MACROD2: variants seen among roughly 807,000 people sequenced by gnomAD.
MACROD2 encodes ADP-ribose glycohydrolase MACROD2.
MACROD2 carries 36 observed loss-of-function variants against 70.4 expected under a neutral mutation model. That is an observed-to-expected ratio of 0.51 (90% CI 0.39 to 0.68). The LOEUF (loss-of-function observed/expected upper bound fraction) is 0.68. Ranked by LOEUF, MACROD2 falls within the 30% of genes least tolerant of loss-of-function variation. The pLI is 0.00. For synonymous variants in MACROD2, 172 were observed against 178.8 expected (o/e 0.96, Z 0.30); for missense variants, 496 against 538.4 (o/e 0.92, Z 0.78).
chr20:14,958,741 C>A (rs890127650), intron 5 of MACROD2, among the ~76,000 whole-genome samples: 6 of 152,154 alleles, frequency 3.9e-5, no homozygotes, highest in African/African-American at 1.4e-4. Context: ...CATGCTCATT[C>A]TAAACAGCAG....
intron 5 of MACROD2, among the ~76,000 whole-genome samples, chr20:15,089,159 C>G (rs1288225064): frequency 6.6e-6 from 1 of 152,086 alleles, no homozygotes; most frequent in Non-Finnish European, 1.5e-5. Flanking sequence ...TTGCAAAGAT[C>G]TGTCATTCTA....
chr20:14,645,796 AGTAATAACAGAGAGATCACATTCTCTCT>A, intron 4 of MACROD2, among the ~76,000 whole-genome samples: 1 of 152,180 alleles, frequency 6.6e-6, no homozygotes, highest in East Asian at 1.9e-4. Context: ...TGCAAGAGAC[AGTAATAACAGAGAGATCACATTCTCTCT>A]GTAATTTATT....
intron 3 of MACROD2, among the ~76,000 whole-genome samples, chr20:14,253,902 C>G (rs998338624): frequency 6.6e-6 from 1 of 151,708 alleles, no homozygotes; most frequent in Non-Finnish European, 1.5e-5. Context: ...CCAATGGGTG[C>G]AATTAAATTA....
chr20:14,838,546 CAGAT>C (rs2073054689), intron 5 of MACROD2, among the ~76,000 whole-genome samples: 1 of 152,052 alleles, frequency 6.6e-6, no homozygotes, highest in Admixed American at 6.5e-5. Flanking sequence ...TTAATCACCA[CAGAT>C]AGAATATTGT....
At chr20:15,677,701 A>AG (rs1160670888) in intron 8 of MACROD2, among the ~76,000 whole-genome samples, 1 of 6,890 alleles carries the variant, frequency 1.5e-4, no homozygotes, top group African/African-American at 6.7e-4. Flanking sequence ...CCAACCAACC[A>AG]ACCAAATACA....
chr20:15,247,988 G>T (rs550067006), intron 6 of MACROD2, among the ~76,000 whole-genome samples: 2 of 152,150 alleles, frequency 1.3e-5, no homozygotes, highest in African/African-American at 4.8e-5. Context: ...ATGAGCCACC[G>T]CACCCAGCCA....
At chr20:15,438,387 A>G (rs1285887895) in intron 7 of MACROD2, among the ~76,000 whole-genome samples, 1 of 152,092 alleles carries the variant, frequency 6.6e-6, no homozygotes, top group African/African-American at 2.4e-5. Flanking sequence ...CTGGTGTGAG[A>G]TGGTATCTCA....
At chr20:14,493,999 G>A (rs1304661442) in intron 4 of MACROD2, 1 of 151,982 alleles carries the variant, frequency 6.6e-6, no homozygotes, top group Non-Finnish European at 1.5e-5. Flanking sequence ...TTGACACTCT[G>A]CTTTTTCTTT....
At chr20:15,528,576 A>G (rs996291475) in intron 8 of MACROD2, among the ~76,000 whole-genome samples, 2 of 152,314 alleles carry the variant, frequency 1.3e-5, no homozygotes, top group Admixed American at 6.5e-5. Flanking sequence ...GAGCCCTGCC[A>G]AGAAGGCTGG....
At chr20:15,317,482 AATCTATCTATCTATCTATCT>A (rs57469228) in intron 6 of MACROD2, among the ~76,000 whole-genome samples, 1 of 145,758 alleles carries the variant, frequency 6.9e-6, no homozygotes, top group Admixed American at 6.9e-5. Flanking sequence ...CCATCCATCT[AATCTATCTATCTATCTATCT>A]ATCTATCTAT....
intron 3 of MACROD2, chr20:14,352,191 G>A (rs2083129172): frequency 6.6e-6 from 1 of 152,010 alleles, no homozygotes; most frequent in African/African-American, 2.4e-5. Flanking sequence ...TTTTTGTTTT[G>A]TTTTTGGTGT....
intron 7 of MACROD2, among the ~76,000 whole-genome samples, chr20:15,434,512 A>G (rs963325558): frequency 3.9e-5 from 6 of 152,138 alleles, no homozygotes; most frequent in Admixed American, 2.0e-4. Context: ...TAAAAAGTCA[A>G]AAAACAATAG....
At chr20:15,316,081 A>T (rs1459218596) in intron 6 of MACROD2, among the ~76,000 whole-genome samples, 1 of 150,682 alleles carries the variant, frequency 6.6e-6, no homozygotes, top group Non-Finnish European at 1.5e-5. Flanking sequence ...AGAAATAAGG[A>T]AGAAGTAATA....
At chr20:15,342,396 A>G (rs961889672) in intron 6 of MACROD2, among the ~76,000 whole-genome samples, 1 of 152,126 alleles carries the variant, frequency 6.6e-6, no homozygotes, top group South Asian at 2.1e-4. Context: ...GTATTTTGAC[A>G]TTTTTTGTGT....
intron 8 of MACROD2, among the ~76,000 whole-genome samples, chr20:15,655,122 T>TGTGTGC (rs1277350199): frequency 1.3e-5 from 2 of 151,836 alleles, no homozygotes; most frequent in African/African-American, 4.8e-5. Flanking sequence ...TGTGTGTATG[T>TGTGTGC]GTGTGCGTGT....
intron 5 of MACROD2, among the ~76,000 whole-genome samples, chr20:15,047,431 C>G (rs1411060156): frequency 2.0e-5 from 3 of 152,064 alleles, no homozygotes; most frequent in Non-Finnish European, 4.4e-5. Flanking sequence ...GAAAAAAATA[C>G]AGGACACTTA....
At chr20:15,791,842 A>G (rs1305593845) in intron 8 of MACROD2, among the ~76,000 whole-genome samples, 1 of 152,030 alleles carries the variant, frequency 6.6e-6, no homozygotes, top group African/African-American at 2.4e-5. Flanking sequence ...ACATTGACAA[A>G]CTGACAAATC....
intron 4 of MACROD2, among the ~76,000 whole-genome samples, chr20:14,584,749 C>T (rs983394281): frequency 1.4e-4 from 21 of 151,970 alleles, no homozygotes; most frequent in African/African-American, 4.8e-4. Flanking sequence ...ATTCATTGAG[C>T]CTAATTAAAA....
At chr20:15,344,402 C>G (rs1162988102) in intron 6 of MACROD2, among the ~76,000 whole-genome samples, 1 of 152,036 alleles carries the variant, frequency 6.6e-6, no homozygotes, top group African/African-American at 2.4e-5. Context: ...ATTGGTAGGG[C>G]CAGAAAAAGC....
Sources: gnomAD v4.1 joint callset for allele counts (sites outside exome capture counted in the v4.1 genomes callset) on GRCh38, gnomAD v4.1.1 for gene constraint, MANE v1.5 for transcripts, NCBI Gene and HGNC (gene_info 2026-07-23, HGNC 2026-07-21) for gene names.